The following XRN1 variants were observed in gnomAD, a reference collection of about 807,000 sequenced individuals.
XRN1 encodes strand-exchange protein 1 homolog.
A neutral mutation model predicts 222.3 loss-of-function variants in XRN1; 67 were observed. That is an observed-to-expected ratio of 0.30 (90% CI 0.25 to 0.37). XRN1 has a LOEUF of 0.37. Ranked by LOEUF, XRN1 falls within the 10% of genes least tolerant of loss-of-function variation. The pLI is 1.00. For synonymous variants in XRN1, 643 were observed against 652.4 expected (o/e 0.99, Z 0.22); for missense variants, 1,707 against 2,000.2 (o/e 0.85, Z 2.80).
intron 20 of XRN1, among the ~76,000 whole-genome samples, chr3:142,394,178 C>T (rs2067841867): frequency 6.6e-6 from 1 of 152,106 alleles, no homozygotes; most frequent in East Asian, 1.9e-4. Flanking sequence ...CTCCCTCTAT[C>T]CCACTTAGAT....
At chr3:142,356,707 T>A (rs138973469) in intron 31 of XRN1, among the ~76,000 whole-genome samples, 240 of 152,366 alleles carry the variant, frequency 1.6e-3, no homozygotes, top group African/African-American at 5.6e-3. Flanking sequence ...TTTCCTTTAA[T>A]ACAACTGTTA....
At chr3:142,422,436 C>CA in intron 8 of XRN1, 146 bp downstream of exon 8, 1 of 765,954 alleles carries the variant, frequency 1.3e-6, no homozygotes, top group South Asian at 1.9e-5. Context: ...ATGACAACCT[C>CA]AGAGGTTAGC....
intron 15 of XRN1, among the ~76,000 whole-genome samples, chr3:142,409,960 T>C (rs1441787312): frequency 6.6e-6 from 1 of 152,244 alleles, no homozygotes; most frequent in Non-Finnish European, 1.5e-5. Context: ...TGCTAGTATA[T>C]GGAAATACAA....
intron 30 of XRN1, among the ~76,000 whole-genome samples, chr3:142,358,513 T>C (rs2066526457): frequency 6.6e-6 from 1 of 152,170 alleles, no homozygotes; most frequent in Non-Finnish European, 1.5e-5. Context: ...AGATTCTGTA[T>C]TACAGAAATG....
intron 1 of XRN1, among the ~76,000 whole-genome samples, chr3:142,433,116 T>G (rs899787532): frequency 6.6e-6 from 1 of 152,192 alleles, no homozygotes; most frequent in Admixed American, 6.5e-5. Context: ...TCAAATTTAC[T>G]GTCAGAAAAT....
chr3:142,344,983 T>C (rs2066101374), intron 33 of XRN1, among the ~76,000 whole-genome samples: 1 of 152,204 alleles, frequency 6.6e-6, no homozygotes, highest in Non-Finnish European at 1.5e-5. Context: ...TCAAACTTCC[T>C]GATTTCAAAA....
At chr3:142,389,458 A>G (rs1294838680) in intron 20 of XRN1, among the ~76,000 whole-genome samples, 1 of 152,146 alleles carries the variant, frequency 6.6e-6, no homozygotes, top group Non-Finnish European at 1.5e-5. Context: ...ATGAATCATG[A>G]ATGTTCTTAA....
At chr3:142,401,730 A>G (rs1459293202) in intron 18 of XRN1, among the ~76,000 whole-genome samples, 1 of 152,110 alleles carries the variant, frequency 6.6e-6, no homozygotes, top group Non-Finnish European at 1.5e-5. Flanking sequence ...AAACAAACAC[A>G]TAACTTCTTG....
chr3:142,418,277 C>T (rs1485548235), intron 12 of XRN1: 5 of 418,112 alleles, frequency 1.2e-5, no homozygotes, highest in East Asian at 7.6e-5. Flanking sequence ...AACAAAAATC[C>T]TTATACATAA....
At position 142,384,623 on chromosome 3, in the gene XRN1, A is replaced by T; in HGVS notation, c.2402T>A (p.Leu801His). Residue 801 changes from leucine (L) to histidine (H), a missense_variant, in exon 21 of 41, where the codon CTC (leucine) becomes CAC (histidine). By Grantham distance (99) the Leu-to-His change is moderately conservative. Coordinates refer to ENST00000392981, the MANE Select transcript of XRN1 (RefSeq NM_001282857.2). ...ETSAVVYAQL[L>H]TGRKYQINQN... ...ATTTATTTGATATTTACGACCTGTG[A>T]GTAACTGAGCATACACAACTGCAGA... 1 of 1,612,268 alleles carries T rather than the reference A, an allele frequency of 6.2e-7. No homozygotes were observed. Among genetic ancestry groups the T allele is most frequent in the Non-Finnish European group, 8.5e-7 (1 of 1,179,192 alleles).
At position 142,412,646 on chromosome 3, in the gene XRN1, T is replaced by C; in HGVS notation, c.1611A>G (p.Glu537=). 1 of 1,592,518 alleles carries C rather than the reference T, an allele frequency of 6.3e-7. No individual in the cohort carries two copies. Among genetic ancestry groups the C allele is most frequent in the Non-Finnish European group, 8.6e-7 (1 of 1,166,136 alleles). ...GGTAATATTCTATAATTGGTGAGTC[T>C]TCATTGGTCATCAAATGCTGTGAAA... The part of the protein sequence containing the change: ...PACYQHLMTN[E]DSPIIEYYPP... The change falls in exon 15 of 41, where the codon GAA becomes GAG. Residue 537 remains glutamate, a synonymous_variant. Coordinates refer to ENST00000392981, the MANE Select transcript of XRN1 (RefSeq NM_001282857.2).
chr3:142,374,045 C>T (rs1405208106), intron 25 of XRN1, among the ~76,000 whole-genome samples: 1 of 152,108 alleles, frequency 6.6e-6, no homozygotes, highest in African/African-American at 2.4e-5. Flanking sequence ...TAGGATTCTA[C>T]ACCCAGGCAA....
intron 23 of XRN1, among the ~76,000 whole-genome samples, chr3:142,377,044 G>A (rs571156068): frequency 2.6e-5 from 4 of 152,018 alleles, no homozygotes; most frequent in East Asian, 1.9e-4. Context: ...CATCAAAATC[G>A]TTGCTACTGA....
intron 20 of XRN1, among the ~76,000 whole-genome samples, chr3:142,391,036 C>A (rs1000330503): frequency 6.6e-6 from 1 of 152,086 alleles, no homozygotes; most frequent in Non-Finnish European, 1.5e-5. Context: ...TGACCAAAAA[C>A]AATTACAATA....
At chr3:142,359,995 G>T in intron 29 of XRN1, 64 bp from the exon 30 acceptor site, 1 of 1,141,786 alleles carries the variant, frequency 8.8e-7, no homozygotes, top group Non-Finnish European at 1.3e-6. Flanking sequence ...CAACAGATAA[G>T]TTTTTGGAGT....
intron 30 of XRN1, among the ~76,000 whole-genome samples, chr3:142,357,464 A>G (rs187534327): frequency 6.6e-6 from 1 of 151,902 alleles, no homozygotes; most frequent in East Asian, 1.9e-4. Flanking sequence ...TCTCACTGTT[A>G]CTCAGGATGG....
intron 36 of XRN1, 48 bp downstream of exon 36, chr3:142,332,327 T>A: frequency 3.0e-6 from 4 of 1,341,434 alleles, no homozygotes; most frequent in Non-Finnish European, 4.1e-6. Context: ...ACCAAATGAA[T>A]TGAATTTTTA....
rs534878384 is a variant in XRN1 at position 142,312,739 on chromosome 3, C to T, written c.4641G>A (p.Ser1547=). 102 of 1,611,160 alleles carry T rather than the reference C, an allele frequency of 6.3e-5. No homozygotes were observed. Among genetic ancestry groups the T allele is most frequent in the South Asian group, 4.6e-4 (42 of 90,760 alleles). Residue 1547 remains serine (S), a synonymous_variant, in exon 40 of 41, where the codon TCG becomes TCA. Transcript: ENST00000392981. ...PPPTANIMPS[S]SHLFGSMPWG... ...ATGGCATTGAGCCAAAGAGATGAGACGACGAAGGCATTATATTAGCTGTTA... is the reference window on the plus strand; with the variant it reads ...ATGGCATTGAGCCAAAGAGATGAGATGACGAAGGCATTATATTAGCTGTTA...
chr3:142,315,340 T>C (rs1447273451), intron 39 of XRN1, among the ~76,000 whole-genome samples: 1 of 151,930 alleles, frequency 6.6e-6, no homozygotes, highest in Non-Finnish European at 1.5e-5. Context: ...GGGGGTTTTC[T>C]TGAGATAGGC....
Sources: gnomAD v4.1 joint callset for allele counts (sites outside exome capture counted in the v4.1 genomes callset) on GRCh38, gnomAD v4.1.1 for gene constraint, MANE v1.5 for transcripts, NCBI Gene and HGNC (gene_info 2026-07-23, HGNC 2026-07-21) for gene names.